Variants in ATXN10 observed in about 807,000 individuals in gnomAD.
ATXN10 encodes the protein ataxin-10.
ATXN10 carries 28 observed loss-of-function variants against 52.9 expected under a neutral mutation model. That is an observed-to-expected ratio of 0.53 (90% confidence interval 0.39 to 0.73). ATXN10 has a LOEUF of 0.73. Ranked by LOEUF, ATXN10 falls within the 30% of genes least tolerant of loss-of-function variation. The pLI is 0.00. For synonymous variants in ATXN10, 226 were observed against 221.5 expected (o/e 1.02, Z -0.18); for missense variants, 565 against 577.0 (o/e 0.98, Z 0.21).
intron 9 of ATXN10, among the ~76,000 whole-genome samples, chr22:45,748,144 A>C (rs1315956730): frequency 6.6e-6 from 1 of 151,908 alleles, no homozygotes; most frequent in Non-Finnish European, 1.5e-5. Context: ...GTGCCACTGC[A>C]CTCTAGCCTG....
At position 45,818,079 on chromosome 22, in the gene ATXN10, T is replaced by C. The variant is rs1928525075; in HGVS notation, c.1237+11057T>C. Among the ~76,000 whole-genome samples, 1 of 152,248 alleles carries C rather than the reference T, an allele frequency of 6.6e-6. No individual in the cohort carries two copies. The stretch of plus-strand genomic sequence containing the variant: ...CAGGTATCTTGGCAGGTAGTCAAAC[T>C]GTTTTAAAATGAGACTGTACAAGTA... On this transcript the variant is annotated intron_variant, in intron 10 of 11. Transcript: ENST00000252934. The surrounding 1 kb of genome is among the most constrained non-coding windows in gnomAD (Gnocchi z 4.6).
In ATXN10 at chr22:45,837,985, A is replaced by G. The variant is rs980766344; in HGVS notation, c.1238-5006A>G. ...CAGAGTTCCTGTCGCCCTGGAGTCT[A>G]CATTTAATGATGTAGAGGACTTTAA... On this transcript the variant is annotated intron_variant, in intron 10 of 11. Transcript: ENST00000252934. This position sits in a 1 kb window ranked among gnomAD's most constrained non-coding sequence, Gnocchi z 5.8. 3.9e-5 allele frequency among the ~76,000 whole-genome samples: 6 copies of G among 152,220 alleles called. No individual in the cohort carries two copies. The highest frequency in any genetic ancestry group is 8.8e-5 in the Non-Finnish European group (6 of 68,032).
In ATXN10 at chr22:45,843,330, C is replaced by A; in HGVS notation, c.1425+152C>A. 1 of 922,456 alleles carries A rather than the reference C, an allele frequency of 1.1e-6. No individual in the cohort carries two copies. The highest frequency in any genetic ancestry group is 1.7e-6 in the Non-Finnish European group (1 of 602,612). The allele number at this position is 922,456 out of a possible 1,614,324, so 57.1% of individuals were successfully genotyped here. On this transcript the variant is annotated intron_variant, in intron 11 of 11. Coordinates refer to ENST00000252934, the MANE Select transcript of ATXN10 (RefSeq NM_013236.4). The surrounding 1 kb of genome is among the most constrained non-coding windows in gnomAD (Gnocchi z 4.5). ...TTACCGAGGAAAGCCCTAAAGATAG[C>A]TGCAAACGGTTTTTTTGTTCCGGCT...
chr22:45,680,613 G>C (rs1922882014), intron 1 of ATXN10, among the ~76,000 whole-genome samples: 1 of 151,556 alleles, frequency 6.6e-6, no homozygotes, highest in Non-Finnish European at 1.5e-5. Flanking sequence ...GCGCCACCAT[G>C]CCCCGCTAAT....
rs1258515500 is a variant in ATXN10, at chr22:45,754,492, T to G, written c.1173+13954T>G. Among the ~76,000 whole-genome samples the G allele has an allele frequency of 2.0e-5, 3 of 152,172 alleles. No homozygotes were observed. The highest frequency in any genetic ancestry group is 1.3e-4 in the Admixed American group (2 of 15,282). On this transcript the variant is annotated intron_variant, in intron 9 of 11. Transcript: ENST00000252934. The surrounding 1 kb of genome is among the most constrained non-coding windows in gnomAD (Gnocchi z 5.4). ...GTTTTATCTCATCCTCTTCAGAGCC[T>G]GTGCTTACTGTGTCATTCTGCCTCT...
chr22:45,679,534 A>T (rs918131434), intron 1 of ATXN10: 1 of 152,246 alleles, frequency 6.6e-6, no homozygotes, highest in Non-Finnish European at 1.5e-5. Context: ...ACACACGCAC[A>T]TGGATTTTCC....
At chr22:45,737,748 C>A (rs1925354297) in intron 7 of ATXN10, among the ~76,000 whole-genome samples, 1 of 140,398 alleles carries the variant, frequency 7.1e-6, no homozygotes, top group East Asian at 2.2e-4. Flanking sequence ...GCCCAGGCTA[C>A]AGTCCAGTGG....
intron 7 of ATXN10, among the ~76,000 whole-genome samples, chr22:45,734,769 AGACT>A (rs1243322122): frequency 6.6e-6 from 1 of 151,490 alleles, no homozygotes; most frequent in African/African-American, 2.4e-5. Context: ...TTTTGGTGTG[AGACT>A]GACTGGGTTT....
rs1928802576 is a variant in ATXN10 at position 45,825,975 on chromosome 22, T to C, written c.1238-17016T>C. Among the ~76,000 whole-genome samples, 1 of 152,112 alleles carries C rather than the reference T, an allele frequency of 6.6e-6. No homozygotes were observed. Among genetic ancestry groups the C allele is most frequent in the Non-Finnish European group, 1.5e-5 (1 of 68,016 alleles). Reference sequence around the variant, plus strand: ...TACTTGGGAGGCTGAGGTGGGAGGATGTCTTGAGCCCAGGAGGTGGAGGTT... The same window carrying C: ...TACTTGGGAGGCTGAGGTGGGAGGACGTCTTGAGCCCAGGAGGTGGAGGTT... On this transcript the variant is annotated intron_variant, in intron 10 of 11. Transcript: ENST00000252934. The surrounding 1 kb of genome is among the most constrained non-coding windows in gnomAD (Gnocchi z 4.5).
intron 1 of ATXN10, among the ~76,000 whole-genome samples, chr22:45,689,243 T>C (rs143740526): frequency 6.0e-4 from 92 of 152,316 alleles, no homozygotes; most frequent in African/African-American, 2.1e-3. Context: ...CAGAATATAT[T>C]CTCTGTCTAG....
At position 45,828,430 on chromosome 22, in the gene ATXN10, C is replaced by A. The variant is rs562628327; in HGVS notation, c.1238-14561C>A. 2.6e-5 allele frequency among the ~76,000 whole-genome samples: 4 copies of A among 151,860 alleles called. No homozygotes were observed. The highest frequency in any genetic ancestry group is 4.4e-5 in the Non-Finnish European group (3 of 67,942). Reference sequence around the variant, plus strand: ...AATATTAGGGCAGAGATAAAACAAACTAGAGAATAGAAAAATAATAGAGAA... The same window carrying A: ...AATATTAGGGCAGAGATAAAACAAAATAGAGAATAGAAAAATAATAGAGAA... On this transcript the variant is annotated intron_variant, in intron 10 of 11. Coordinates refer to ENST00000252934, the MANE Select transcript of ATXN10 (RefSeq NM_013236.4). This position sits in a 1 kb window ranked among gnomAD's most constrained non-coding sequence, Gnocchi z 4.5.
intron 5 of ATXN10, among the ~76,000 whole-genome samples, chr22:45,713,687 G>C (rs1481979467): frequency 6.6e-6 from 1 of 152,146 alleles, no homozygotes; most frequent in African/African-American, 2.4e-5. Flanking sequence ...ATGTGGTTCA[G>C]ATATCAAAAT....
At chr22:45,730,011 G>A (rs1009373546) in intron 7 of ATXN10, among the ~76,000 whole-genome samples, 2 of 152,148 alleles carry the variant, frequency 1.3e-5, no homozygotes, top group Non-Finnish European at 2.9e-5. Flanking sequence ...TTTGCTGAAT[G>A]AATAAATAAA....
chr22:45,729,795 A>C (rs1601610712), intron 7 of ATXN10: 2 of 633,274 alleles, frequency 3.2e-6, no homozygotes, highest in East Asian at 6.5e-5. Flanking sequence ...ACTTAGGCAA[A>C]TTCTGGTTAA....
In ATXN10 at chr22:45,708,815, A is replaced by G. The variant is rs1409982399; in HGVS notation, c.647+5968A>G. 6.6e-6 allele frequency among the ~76,000 whole-genome samples: 1 copy of G among 151,842 alleles called. No homozygotes were observed. The highest frequency in any genetic ancestry group is 6.6e-5 in the Admixed American group (1 of 15,250). Reference sequence around the variant, plus strand: ...CCACCACGCCTGGCTAATTTTTTGTATTTTTGGTAGAGATGGGGTTTCATC... The same window carrying G: ...CCACCACGCCTGGCTAATTTTTTGTGTTTTTGGTAGAGATGGGGTTTCATC... On this transcript the variant is annotated intron_variant, in intron 5 of 11. Coordinates refer to ENST00000252934, the MANE Select transcript of ATXN10 (RefSeq NM_013236.4). The surrounding 1 kb of genome is among the most constrained non-coding windows in gnomAD (Gnocchi z 5.3).
Position 45,693,038 on chromosome 22 carries a change from G to A in ATXN10, c.351G>A (p.Leu117=). 6.2e-7 allele frequency: 1 copy of A among 1,614,070 alleles called. No homozygotes were observed. The highest frequency in any genetic ancestry group is 8.5e-7 in the Non-Finnish European group (1 of 1,180,000). Residue 117 remains leucine, a synonymous_variant, in exon 3 of 12, where the codon CTG becomes CTA. Coordinates refer to ENST00000252934, the MANE Select transcript of ATXN10 (RefSeq NM_013236.4). ...TIGVAVDLIL[L]FRELRVEQES... is the part of the protein sequence containing the mutation. ...GTGTTGCTGTTGATTTGATTCTTCT[G>A]TTTCGTGAACTGCGAGTGGAACAGG... is the stretch of plus-strand genomic sequence containing the variant.
intron 5 of ATXN10, among the ~76,000 whole-genome samples, chr22:45,703,256 C>T (rs1197084303): frequency 1.3e-5 from 2 of 152,090 alleles, no homozygotes; most frequent in East Asian, 3.9e-4. Context: ...ATTCAAATTG[C>T]CCCCCGATAC....
At chr22:45,768,473 C>A (rs1926665725) in intron 9 of ATXN10, among the ~76,000 whole-genome samples, 1 of 152,042 alleles carries the variant, frequency 6.6e-6, no homozygotes, top group South Asian at 2.1e-4. Flanking sequence ...CGTAATGATG[C>A]TAAGAATGTA....
At chr22:45,747,045 C>T (rs967888865) in intron 9 of ATXN10, among the ~76,000 whole-genome samples, 3 of 152,196 alleles carry the variant, frequency 2.0e-5, no homozygotes, top group Admixed American at 6.5e-5. Flanking sequence ...CCACTTTTGT[C>T]CTTGCTCCTC....
Sources: allele counts gnomAD v4.1 joint callset (sites outside exome capture counted in the v4.1 genomes callset), GRCh38; gene constraint gnomAD v4.1.1; non-coding constraint Gnocchi (gnomAD v3.1); transcripts MANE v1.5; gene names NCBI Gene and HGNC (gene_info 2026-07-23, HGNC 2026-07-21).